Variants in SLC12A2 observed in about 807,000 individuals in gnomAD.
SLC12A2 encodes the protein solute carrier family 12 member 2.
Under a neutral mutation model 136.3 loss-of-function variants are expected in SLC12A2, and 67 were observed. The observed-to-expected ratio is 0.49, with a 90% confidence interval of 0.40 to 0.60. The LOEUF is 0.60. Ranked by LOEUF, SLC12A2 falls within the 20% of genes least tolerant of loss-of-function variation. The probability of loss-of-function intolerance (pLI) is 0.00; values close to 1 mark genes in which losing one functional copy is unlikely to be tolerated. For synonymous variants in SLC12A2, 619 were observed against 562.9 expected (o/e 1.10, Z -1.41); for missense variants, 1,322 against 1,534.7 (o/e 0.86, Z 2.32).
intron 19 of SLC12A2, 95 bp from the exon 20 acceptor site, chr5:128,174,446 A>AT: frequency 1.1e-6 from 1 of 920,016 alleles, no homozygotes; most frequent in African/African-American, 1.7e-5. Context: ...TAATAAACTT[A>AT]TTTTTTCATA....
At chr5:128,125,670 C>T (rs1038344551) in intron 4 of SLC12A2, among the ~76,000 whole-genome samples, 5 of 151,816 alleles carry the variant, frequency 3.3e-5, no homozygotes, top group African/African-American at 1.2e-4. Context: ...TGATGAAGTC[C>T]GGTTTCTCTT....
In SLC12A2 at chr5:128,188,289, C is replaced by CTTTTTTT. The variant is rs71949635; in HGVS notation, c.*1676_*1682dup. 6 of 85,534 alleles carry CTTTTTTT rather than the reference C, an allele frequency of 7.0e-5. No homozygotes were observed. Among genetic ancestry groups the CTTTTTTT allele is most frequent in the African/African-American group, 9.5e-5 (2 of 20,962 alleles). 5.3% of individuals were successfully genotyped at this position (85,534 alleles called of 1,614,324 possible). A position where few individuals can be genotyped will look rare whatever the true frequency, so the allele number is the denominator to read the frequency against. On this transcript the variant is annotated 3_prime_UTR_variant, in exon 27 of 27. Transcript: ENST00000262461. ...AAATTTATGCAGGTTTTCACGAATC[C>CTTTTTTT]TTTTTTTTTTTTTTTTTTTTTTTTG...
At chr5:128,173,147 A>G (rs1223540712) in intron 19 of SLC12A2, among the ~76,000 whole-genome samples, 1 of 152,194 alleles carries the variant, frequency 6.6e-6, no homozygotes, top group African/African-American at 2.4e-5. Flanking sequence ...CTGCTTCTGT[A>G]TTTAAACTGT....
intron 1 of SLC12A2, among the ~76,000 whole-genome samples, chr5:128,098,162 G>A (rs1170338381): frequency 1.3e-5 from 2 of 151,974 alleles, no homozygotes; most frequent in East Asian, 1.9e-4. Context: ...TTGTCAGTTT[G>A]TTAAGTTTCT....
At chr5:128,086,169 C>G (rs1001134612) in intron 1 of SLC12A2, among the ~76,000 whole-genome samples, 3 of 152,252 alleles carry the variant, frequency 2.0e-5, no homozygotes, top group African/African-American at 7.2e-5. Flanking sequence ...TGTATTTACC[C>G]ATAAGTTTTA....
At chr5:128,117,255 C>A (rs10060390) in intron 4 of SLC12A2, among the ~76,000 whole-genome samples, 1 of 151,866 alleles carries the variant, frequency 6.6e-6, no homozygotes, top group South Asian at 2.1e-4. Context: ...AAGAGTCAAC[C>A]TAAAGGAGCT....
intron 10 of SLC12A2, 137 bp from the exon 11 acceptor site, chr5:128,147,485 C>T: frequency 1.8e-6 from 1 of 547,314 alleles, no homozygotes; most frequent in South Asian, 2.5e-5. Flanking sequence ...ATTTGTAATG[C>T]ACATAGCGTT....
chr5:128,149,100 C>T (rs1349938633), intron 12 of SLC12A2, among the ~76,000 whole-genome samples: 1 of 151,670 alleles, frequency 6.6e-6, no homozygotes, highest in African/African-American at 2.4e-5. Flanking sequence ...GGCTCTTTTT[C>T]CTAAAACAAA....
chr5:128,091,769 G>A (rs1458561948), intron 1 of SLC12A2, among the ~76,000 whole-genome samples: 2 of 152,170 alleles, frequency 1.3e-5, no homozygotes, highest in African/African-American at 2.4e-5. Context: ...TTAGTGGAAT[G>A]TTGACTCTCA....
intron 4 of SLC12A2, among the ~76,000 whole-genome samples, chr5:128,130,705 A>G (rs1160424903): frequency 1.3e-5 from 2 of 152,040 alleles, no homozygotes; most frequent in African/African-American, 4.8e-5. Context: ...GCATAAAAAT[A>G]AAAGTTACAT....
intron 5 of SLC12A2, among the ~76,000 whole-genome samples, chr5:128,131,668 C>T (rs1186129799): frequency 6.6e-6 from 1 of 151,646 alleles, no homozygotes; most frequent in African/African-American, 2.4e-5. Flanking sequence ...GGCACCACTG[C>T]ACTCCAGCCT....
chr5:128,086,621 T>C (rs1760107874), intron 1 of SLC12A2, among the ~76,000 whole-genome samples: 1 of 152,222 alleles, frequency 6.6e-6, no homozygotes, highest in Non-Finnish European at 1.5e-5. Flanking sequence ...CAACAGGTAC[T>C]TTAATTCTTT....
chr5:128,107,769 A>G (rs1488145906), intron 1 of SLC12A2, among the ~76,000 whole-genome samples: 1 of 152,102 alleles, frequency 6.6e-6, no homozygotes, highest in Non-Finnish European at 1.5e-5. Flanking sequence ...ATGTGTCTTT[A>G]TAGTAGAATG....
chr5:128,172,946 A>G (rs939857543), intron 19 of SLC12A2, among the ~76,000 whole-genome samples: 1 of 151,074 alleles, frequency 6.6e-6, no homozygotes, highest in Non-Finnish European at 1.5e-5. Context: ...AGCAAGACTC[A>G]AAAAATACAA....
chr5:128,127,819 T>C (rs148095234), intron 4 of SLC12A2, among the ~76,000 whole-genome samples: 383 of 152,248 alleles, frequency 2.5e-3, no homozygotes, highest in African/African-American at 8.8e-3. Context: ...TCTTTGTTCT[T>C]GATTAGCTAT....
At chr5:128,184,534 TTA>T in intron 25 of SLC12A2, 33 bp downstream of exon 25, 1 of 1,533,234 alleles carries the variant, frequency 6.5e-7, no homozygotes, top group Admixed American at 2.2e-5. Context: ...CATTAATCTT[TTA>T]TATAATAAAA....
intron 4 of SLC12A2, among the ~76,000 whole-genome samples, chr5:128,126,223 C>T (rs190425680): frequency 7.9e-5 from 12 of 152,218 alleles, no homozygotes; most frequent in East Asian, 5.8e-4. Flanking sequence ...AAACAACTCT[C>T]GGAACAAAAT....
chr5:128,184,554 A>C, intron 25 of SLC12A2, 53 bp downstream of exon 25: 1 of 1,465,786 alleles, frequency 6.8e-7, no homozygotes, highest in Non-Finnish European at 9.2e-7. Flanking sequence ...AAAGACATGA[A>C]AACCAAGAAC....
At chr5:128,138,524 A>G (rs1762255521) in intron 7 of SLC12A2, 73 bp from the exon 8 acceptor site, 1 of 1,376,362 alleles carries the variant, frequency 7.3e-7, no homozygotes, top group Non-Finnish European at 9.9e-7. Context: ...ATGTATACCT[A>G]TTATTCTTGA....
Sources: gnomAD v4.1 joint callset for allele counts (sites outside exome capture counted in the v4.1 genomes callset) on GRCh38, gnomAD v4.1.1 for gene constraint, MANE v1.5 for transcripts, NCBI Gene and HGNC (gene_info 2026-07-23, HGNC 2026-07-21) for gene names.